CRYBB2: variants seen among roughly 807,000 people sequenced by gnomAD.
The protein encoded by CRYBB2 is crystallin beta B2, also known as beta-crystallin B2.
A neutral mutation model predicts 24.3 loss-of-function variants in CRYBB2; 12 were observed. That is an observed-to-expected ratio of 0.49 (90% CI 0.32 to 0.80). CRYBB2 has a LOEUF of 0.80. Among genes scored for constraint, CRYBB2 ranks in the 30% least tolerant of loss-of-function variants. The pLI, the probability that CRYBB2 is intolerant of heterozygous loss-of-function variation, is 0.04. For missense variants in CRYBB2, 198 were observed against 268.5 expected (o/e 0.74, Z 1.83); for synonymous variants, 98 against 101.6 (o/e 0.96, Z 0.21).
intron 3 of CRYBB2, among the ~76,000 whole-genome samples, chr22:25,225,983 A>G (rs923902824): frequency 6.6e-6 from 1 of 152,234 alleles, no homozygotes; most frequent in South Asian, 2.1e-4. Context: ...TGATGAAAAA[A>G]AATTTCCCAA....
chr22:25,218,838 G>GAAAA (rs386365958), upstream of CRYBB2, among the ~76,000 whole-genome samples: 1 of 97,990 alleles, frequency 1.0e-5, no homozygotes, highest in Non-Finnish European at 2.0e-5. Flanking sequence ...AAGAAAGAAA[G>GAAAA]AGAAAGAAAG....
At chr22:25,226,893 C>T (rs1232431528) in intron 3 of CRYBB2, among the ~76,000 whole-genome samples, 5 of 152,152 alleles carry the variant, frequency 3.3e-5, no homozygotes, top group East Asian at 1.9e-4. Context: ...AGGATGATCT[C>T]GAGCTACTGA....
At chr22:25,228,128 C>T (rs1935456084) in intron 4 of CRYBB2, 143 bp downstream of exon 4, 4 of 1,281,218 alleles carry the variant, frequency 3.1e-6, no homozygotes, top group South Asian at 1.3e-5. Flanking sequence ...TGAGGAACCT[C>T]CTCACTGGGT....
upstream of CRYBB2, among the ~76,000 whole-genome samples, chr22:25,218,200 A>C (rs920620413): frequency 1.3e-5 from 2 of 151,682 alleles, no homozygotes; most frequent in African/African-American, 4.8e-5. Flanking sequence ...CAGAGCTTGC[A>C]GTGAGCTGAG....
upstream of CRYBB2, among the ~76,000 whole-genome samples, chr22:25,214,902 C>T (rs1309443496): frequency 6.6e-6 from 1 of 152,214 alleles, no homozygotes; most frequent in Non-Finnish European, 1.5e-5. Context: ...CTTTGCTTAT[C>T]TGTAAAAATA....
rs776509242 is a variant in CRYBB2, at chr22:25,231,697, C to A, written c.543C>A (p.His181Gln). The change falls in exon 6 of 6, where the codon CAC becomes CAA. Residue 181 changes from histidine (H) to glutamine (Q), a missense_variant. By Grantham distance (24) the His-to-Gln change is conservative. Coordinates refer to ENST00000398215, the MANE Select transcript of CRYBB2 (RefSeq NM_000496.3). ...ACAGCAGCGACTTTGGGGCCCCTCA[C>A]CCCCAGGTGCAGTCCGTGCGCCGTA... ...YKDSSDFGAP[H>Q]PQVQSVRRIR... The A allele has an allele frequency of 6.2e-7, 1 of 1,613,986 alleles. No individual in the cohort carries two copies. The highest frequency in any genetic ancestry group is 1.3e-5 in the African/African-American group (1 of 74,888).
upstream of CRYBB2, among the ~76,000 whole-genome samples, chr22:25,215,297 C>T (rs942111435): frequency 7.9e-5 from 12 of 152,278 alleles, no homozygotes; most frequent in South Asian, 2.5e-3. Flanking sequence ...CAAACAATAA[C>T]ATGAGCAATC....
intron 5 of CRYBB2, 123 bp from the exon 6 acceptor site, chr22:25,231,481 G>A: frequency 3.2e-6 from 3 of 935,696 alleles, no homozygotes; most frequent in Non-Finnish European, 5.3e-6. Flanking sequence ...AGTGGCAATG[G>A]TTGGGAGGCT....
chr22:25,223,873 C>T (rs1447332339), intron 2 of CRYBB2, among the ~76,000 whole-genome samples: 2 of 152,150 alleles, frequency 1.3e-5, no homozygotes, highest in East Asian at 3.9e-4. Context: ...GTAATCTCAA[C>T]ACTTTGGGAG....
At chr22:25,225,917 T>G (rs1024791148) in intron 3 of CRYBB2, among the ~76,000 whole-genome samples, 1 of 152,202 alleles carries the variant, frequency 6.6e-6, no homozygotes, top group African/African-American at 2.4e-5. Context: ...TCTGGATAGC[T>G]GAGATTTGAC....
chr22:25,217,785 A>G (rs112904217), upstream of CRYBB2, among the ~76,000 whole-genome samples: 75 of 152,286 alleles, frequency 4.9e-4, 1 homozygote, highest in African/African-American at 1.6e-3. Context: ...AGTGCTGCAA[A>G]AGGAAAAGCC....
intron 4 of CRYBB2, among the ~76,000 whole-genome samples, 198 bp from the exon 5 acceptor site, chr22:25,229,238 T>C (rs1430630787): frequency 6.6e-6 from 1 of 152,164 alleles, no homozygotes; most frequent in Non-Finnish European, 1.5e-5. Flanking sequence ...GAGTGTCTGT[T>C]ACATGAAAAT....
intron 4 of CRYBB2, among the ~76,000 whole-genome samples, chr22:25,228,912 G>T (rs953633125): frequency 3.9e-5 from 6 of 152,348 alleles, no homozygotes; most frequent in African/African-American, 1.4e-4. Flanking sequence ...GCCTGTGCGT[G>T]TGTGTGTACA....
At chr22:25,228,937 C>T (rs8136666) in intron 4 of CRYBB2, among the ~76,000 whole-genome samples, 26,534 of 151,522 alleles carry the variant, frequency 0.18, 2,439 homozygotes, top group African/African-American at 0.23. Context: ...TGGGTGTGCA[C>T]GTGTGTGCGC....
chr22:25,226,690 G>A (rs1045296807), intron 3 of CRYBB2, among the ~76,000 whole-genome samples: 11 of 151,960 alleles, frequency 7.2e-5, no homozygotes, highest in African/African-American at 2.7e-4. Context: ...TTGTTTTGTT[G>A]AGACAGAGTT....
chr22:25,229,273 G>A (rs985984315), intron 4 of CRYBB2, among the ~76,000 whole-genome samples, 163 bp from the exon 5 acceptor site: 2 of 152,178 alleles, frequency 1.3e-5, no homozygotes, highest in Non-Finnish European at 2.9e-5. Context: ...TTAACAAACG[G>A]CTGTGATCCA....
intron 4 of CRYBB2, among the ~76,000 whole-genome samples, chr22:25,228,337 G>T (rs995450016): frequency 2.7e-5 from 4 of 147,478 alleles, no homozygotes; most frequent in Non-Finnish European, 4.5e-5. Context: ...GGTGGTTGGT[G>T]CCCGCCCCCC....
chr22:25,218,730 GA>G (rs1935233903), upstream of CRYBB2, among the ~76,000 whole-genome samples: 2 of 96,084 alleles, frequency 2.1e-5, no homozygotes, highest in Non-Finnish European at 4.0e-5. Flanking sequence ...GAGAGAGAGA[GA>G]GAGGGGAGAG....
chr22:25,217,937 G>A (rs1935198208), upstream of CRYBB2, among the ~76,000 whole-genome samples: 3 of 152,228 alleles, frequency 2.0e-5, no homozygotes, highest in South Asian at 6.2e-4. Context: ...ACACAGCCTG[G>A]GCTGCAAGGA....
Sources: allele counts gnomAD v4.1 joint callset (sites outside exome capture counted in the v4.1 genomes callset), GRCh38; gene constraint gnomAD v4.1.1; transcripts MANE v1.5; gene names NCBI Gene and HGNC (gene_info 2026-07-23, HGNC 2026-07-21).